CLCNKB: variants seen among roughly 807,000 people sequenced by gnomAD.
CLCNKB encodes the protein chloride voltage-gated channel Kb, also known as chloride channel protein ClC-Kb.
A neutral mutation model predicts 83.8 loss-of-function variants in CLCNKB; 74 were observed. The ratio of observed to expected loss-of-function variants is 0.88; its 90% confidence interval spans 0.73 to 1.07. CLCNKB has a LOEUF of 1.07. CLCNKB is among the 50% of genes least tolerant of loss of function. The probability of loss-of-function intolerance (pLI) is 0.00; values close to 1 mark genes in which losing one functional copy is unlikely to be tolerated. For missense variants in CLCNKB, 798 were observed against 893.6 expected (o/e 0.89, Z 1.36); for synonymous variants, 358 against 356.6 (o/e 1.00, Z -0.04).
At chr1:16,056,296 G>T (rs12023153) in intron 18 of CLCNKB, 126 bp from the exon 19 acceptor site, 2 of 990,914 alleles carry the variant, frequency 2.0e-6, no homozygotes, top group Admixed American at 1.7e-5. Flanking sequence ...TTGCAGGCCT[G>T]GGTCTCTTGT....
Position 16,050,975 on chromosome 1 carries a change from A to G in CLCNKB, c.1154A>G (p.Gln385Arg), listed in dbSNP as rs35258749. 4.7e-4 allele frequency: 751 copies of G among 1,613,994 alleles called. 5 individuals carry two copies. The African/African-American group carries it at 9.0e-3, about 19-fold the overall frequency. Residue 385 changes from glutamine to arginine, a missense_variant, in exon 12 of 20, where the codon CAG (glutamine) becomes CGG (arginine). Physicochemically the swap from Gln to Arg is conservative, Grantham distance 43. Coordinates refer to ENST00000375679, the MANE Select transcript of CLCNKB (RefSeq NM_000085.5). ...CCCTGGCCCGAGGAGCTCGACCCCCAGCACCTGTGGTGGGAATGGTACCAC... is the reference window on the plus strand; with the variant it reads ...CCCTGGCCCGAGGAGCTCGACCCCCGGCACCTGTGGTGGGAATGGTACCAC... ...SPPWPEELDP[Q>R]HLWWEWYHPR...
rs34324462 is a variant in CLCNKB, at chr1:16,047,445, G to GAAACAAACAAAC, written c.359-436_359-425dup. On this transcript the variant is annotated intron_variant, in intron 4 of 19. Transcript: ENST00000375679. ...GGGGGATAGAGTGAGACCCCTGTCT[G>GAAACAAACAAAC]AAACAAACAAACAAACAAACAAACA... is the stretch of plus-strand genomic sequence containing the variant. Among the ~76,000 whole-genome samples the GAAACAAACAAAC allele has an allele frequency of 1.4e-3, 214 of 150,474 alleles. 1 individual carries two copies. Among genetic ancestry groups the GAAACAAACAAAC allele is most frequent in the African/African-American group, 5.1e-3 (208 of 40,668 alleles).
intron 10 of CLCNKB, 45 bp downstream of exon 10, chr1:16,049,961 C>G (rs374950020): frequency 3.6e-5 from 43 of 1,178,520 alleles, no homozygotes; most frequent in Admixed American, 2.1e-4. Flanking sequence ...CGAGCTCCCC[C>G]CTCACCGTAC....
At chr1:16,047,758 G>A (rs1315134622) in intron 4 of CLCNKB, 147 bp from the exon 5 acceptor site, 4 of 965,026 alleles carry the variant, frequency 4.1e-6, no homozygotes, top group African/African-American at 1.6e-5. Flanking sequence ...AACAGAGCAA[G>A]ATCTTGTCCC....
In CLCNKB at chr1:16,049,245, G is replaced by T; in HGVS notation, c.781G>T (p.Glu261Ter). ...RLLAVFNSEQETITSLYKTSF... is the reference protein window; with the variant it reads ...RLLAVFNSEQ ...CCTGGCGGTCTTCAACAGCGAGCAG[G>T]GTGAGCCCCCTGGGCTGCCTGACCC... Residue 261 changes from glutamate (E) to a stop codon, truncating the protein, a stop_gained and splice_region_variant, in exon 8 of 20, where the codon GAG (glutamate) becomes TAG (stop). Transcript: ENST00000375679. LOFTEE classifies it high-confidence loss of function. 4 of 1,613,652 alleles carry T rather than the reference G, an allele frequency of 2.5e-6. No individual in the cohort carries two copies. In the African/African-American group the frequency reaches 5.3e-5, roughly 22 times the overall value.
Position 16,045,539 on chromosome 1 carries a change from A to G in CLCNKB, c.101-19A>G. The G allele has an allele frequency of 6.2e-7, 1 of 1,611,946 alleles. No individual in the cohort carries two copies. The highest frequency in any genetic ancestry group is 2.2e-5 in the East Asian group (1 of 44,776). On this transcript the variant is annotated intron_variant, in intron 2 of 19. Transcript: ENST00000375679. Reference sequence around the variant, plus strand: ...GCCTCCTGCCCCACCCTGTGCCGTGACCCCATGCCCTGCCCCAGGTGGCCT... The same window carrying G: ...GCCTCCTGCCCCACCCTGTGCCGTGGCCCCATGCCCTGCCCCAGGTGGCCT...
chr1:16,049,055 A>AG (rs1341504846), intron 7 of CLCNKB, 65 bp from the exon 8 acceptor site: 5 of 1,550,910 alleles, frequency 3.2e-6, no homozygotes, highest in East Asian at 2.3e-5. Flanking sequence ...TGACATGGGG[A>AG]GGGGGTCCTA....
At chr1:16,052,522 G>GGGCTGGGAGT in intron 15 of CLCNKB, 111 bp downstream of exon 15, 1 of 1,346,626 alleles carries the variant, frequency 7.4e-7, no homozygotes, top group Non-Finnish European at 1.0e-6. Flanking sequence ...TCGGACATGG[G>GGGCTGGGAGT]GGCTGACACA....
chr1:16,055,191 C>G (rs2023400614), intron 16 of CLCNKB, among the ~76,000 whole-genome samples: 3 of 152,042 alleles, frequency 2.0e-5, no homozygotes, highest in African/African-American at 7.3e-5. Context: ...GGCCAGGGTC[C>G]CTCCTGGCTC....
chr1:16,056,377 T>C, intron 18 of CLCNKB, 45 bp from the exon 19 acceptor site: 1 of 1,589,500 alleles, frequency 6.3e-7, no homozygotes. Context: ...GAGGGTGGGC[T>C]GGGCACCTTC....
intron 3 of CLCNKB, 47 bp from the exon 4 acceptor site, chr1:16,046,488 G>A (rs1211635343): frequency 1.2e-6 from 2 of 1,611,426 alleles, no homozygotes; most frequent in Admixed American, 3.3e-5. Flanking sequence ...CTGGCCCCGA[G>A]GGCTGCAGAG....
rs150740382 is a variant in CLCNKB at position 16,050,520 on chromosome 1, C to G, written c.973C>G (p.Pro325Ala). The part of the protein sequence containing the change: ...FSSKLLATSK[P>A]VYSALATLVL... ...GAGCCCACCCATCCCCCACAGCAAG[C>G]CTGTGTACTCCGCTCTGGCCACCTT... Residue 325 changes from proline to alanine, a missense_variant, in exon 11 of 20, where the codon CCT (proline) becomes GCT (alanine). Transcript: ENST00000375679. 8 of 1,613,958 alleles carry G rather than the reference C, an allele frequency of 5.0e-6. No homozygotes were observed. The highest frequency in any genetic ancestry group is 2.7e-5 in the African/African-American group (2 of 74,892).
chr1:16,049,264 C>T lies in CLCNKB; in HGVS notation c.781+19C>T. ...GAGCAGGGTGAGCCCCCTGGGCTGC[C>T]TGACCCTGGCCCTGCCTGGGGGCCG... On this transcript the variant is annotated intron_variant, in intron 8 of 19. Transcript: ENST00000375679. 2 of 1,612,642 alleles carry T rather than the reference C, an allele frequency of 1.2e-6. No individual in the cohort carries two copies. The highest frequency in any genetic ancestry group is 2.2e-5 in the East Asian group (1 of 44,838).
chr1:16,047,679 G>C (rs1054546527), intron 4 of CLCNKB, among the ~76,000 whole-genome samples: 1 of 152,086 alleles, frequency 6.6e-6, no homozygotes, highest in Non-Finnish European at 1.5e-5. Flanking sequence ...TGACGCAGGA[G>C]GATAACTTGA....
At chr1:16,049,583 C>A (rs1298469214) in intron 8 of CLCNKB, 35 bp from the exon 9 acceptor site, 2 of 1,513,704 alleles carry the variant, frequency 1.3e-6, no homozygotes, top group Non-Finnish European at 1.8e-6. Flanking sequence ...CGGGTGGGAG[C>A]GCCATCTTGG....
intron 8 of CLCNKB, 76 bp downstream of exon 8, chr1:16,049,321 A>G: frequency 6.3e-7 from 1 of 1,591,936 alleles, no homozygotes; most frequent in Non-Finnish European, 8.5e-7. Flanking sequence ...TCCCCTGTGT[A>G]CACCCCTTGC....
intron 10 of CLCNKB, 78 bp downstream of exon 10, chr1:16,049,994 C>T (rs1284404999): frequency 1.6e-6 from 2 of 1,265,710 alleles, no homozygotes; most frequent in African/African-American, 1.4e-5. Flanking sequence ...GTAGAAAGCT[C>T]TACCCGCCAC....
At chr1:16,046,790 G>A in intron 4 of CLCNKB, 127 bp downstream of exon 4, 1 of 1,205,552 alleles carries the variant, frequency 8.3e-7, no homozygotes. Flanking sequence ...CTTGCCCAAA[G>A]GGACACAGCA....
rs1436615614 is a variant in CLCNKB at position 16,056,292 on chromosome 1, G to T, written c.1930-130G>T. 5 of 965,704 alleles carry T rather than the reference G, an allele frequency of 5.2e-6. No homozygotes were observed. The East Asian group carries it at 9.6e-5, about 19-fold the overall frequency. 59.8% of individuals were successfully genotyped at this position (965,704 alleles called of 1,614,324 possible). ...CCAGTGGCCACATTGGACATTGCAG[G>T]CCTGGGTCTCTTGTCTCCCACACAC... On this transcript the variant is annotated intron_variant, in intron 18 of 19. Coordinates refer to ENST00000375679, the MANE Select transcript of CLCNKB (RefSeq NM_000085.5).
Sources: allele counts gnomAD v4.1 joint callset (sites outside exome capture counted in the v4.1 genomes callset), GRCh38; gene constraint gnomAD v4.1.1; transcripts MANE v1.5; gene names NCBI Gene and HGNC (gene_info 2026-07-23, HGNC 2026-07-21).